The following KCTD19 variants were observed in gnomAD, a reference collection of about 807,000 sequenced individuals.
The protein encoded by KCTD19 is BTB/POZ domain-containing protein KCTD19.
A neutral mutation model predicts 103.5 loss-of-function variants in KCTD19; 67 were observed. The observed-to-expected ratio is 0.65, with a 90% CI of 0.53 to 0.79. KCTD19 has a LOEUF of 0.79. KCTD19 is among the 30% of genes least tolerant of loss of function. The pLI is 0.00. For missense variants in KCTD19, 980 were observed against 1,136.1 expected, an observed-to-expected ratio of 0.86 and a Z score of 1.98; for synonymous variants, 439 against 452.2, an observed-to-expected ratio of 0.97 and a Z score of 0.37.
chr16:67,289,789 G>T (rs900915665), intron 15 of KCTD19, 107 bp from the exon 16 acceptor site: 2 of 743,570 alleles, frequency 2.7e-6, no homozygotes, highest in South Asian at 1.7e-5. Context: ...AAGCCCGGCT[G>T]TTGGGGACTT....
intron 2 of KCTD19, among the ~76,000 whole-genome samples, chr16:67,309,300 C>T (rs1056066721): frequency 1.3e-5 from 2 of 152,096 alleles, no homozygotes; most frequent in Non-Finnish European, 1.5e-5. Context: ...GTATCCAAAA[C>T]CACAGGAAAA....
In KCTD19 at chr16:67,303,452, A is replaced by G. The variant is rs2036859983; in HGVS notation, c.452-115T>C. On this transcript the variant is annotated intron_variant, in intron 3 of 15. Coordinates refer to ENST00000304372, the MANE Select transcript of KCTD19 (RefSeq NM_001100915.3). The surrounding 1 kb of genome is among the most constrained non-coding windows in gnomAD (Gnocchi z 4.3). ...GGATGCTAGAGAGACCCCCCAGGAT[A>G]TGGTCCTTGCCACTTGCCAGACACA... is the stretch of plus-strand genomic sequence containing the variant. 1.4e-6 allele frequency: 1 copy of G among 719,060 alleles called. No homozygotes were observed. The highest frequency in any genetic ancestry group is 2.8e-5 in the East Asian group (1 of 35,490). The allele number at this position is 719,060 out of a possible 1,614,324, so 44.5% of individuals were successfully genotyped here.
In KCTD19 at chr16:67,304,454, A is replaced by T. The variant is rs143573730; in HGVS notation, c.418T>A (p.Ser140Thr). ...WRTWKCISKP[S>T]EFPIKSPAFT... ...GCTGGGCTTTTAATTGGAAATTCTG[A>T]GGGTTTGCTAATACACTTCCATGTA... Residue 140 changes from serine (S) to threonine (T), a missense_variant, in exon 3 of 16, where the codon TCA becomes ACA. By Grantham distance (58) the Ser-to-Thr change is moderately conservative. Transcript: ENST00000304372. 9.0e-3 allele frequency: 14,529 copies of T among 1,613,938 alleles called. 135 individuals are homozygous for T. Among genetic ancestry groups the T allele is most frequent in the South Asian group, 0.026 (2,412 of 91,078 alleles).
chr16:67,304,788 C>A (rs1238786496), intron 2 of KCTD19, among the ~76,000 whole-genome samples: 1 of 151,864 alleles, frequency 6.6e-6, no homozygotes, highest in Non-Finnish European at 1.5e-5. Context: ...CTCAGCCTCT[C>A]GAGTAGCTGG....
At chr16:67,301,334 G>C (rs1444402153) in intron 5 of KCTD19, 1 of 154,582 alleles carries the variant, frequency 6.5e-6, no homozygotes, top group Non-Finnish European at 1.4e-5. Context: ...AGGGAATTTG[G>C]GGGTGGATGA....
At position 67,293,963 on chromosome 16, in the gene KCTD19, T is replaced by C. The variant is rs866254895; in HGVS notation, c.1799A>G (p.His600Arg). The C allele has an allele frequency of 2.5e-6, 4 of 1,614,134 alleles. No homozygotes were observed. Among genetic ancestry groups the C allele is most frequent in the African/African-American group, 1.3e-5 (1 of 75,016 alleles). Residue 600 changes from histidine to arginine, a missense_variant, in exon 12 of 16, where the codon CAC becomes CGC. By Grantham distance (29) the His-to-Arg change is conservative. Transcript: ENST00000304372. The surrounding 1 kb of genome is among the most constrained non-coding windows in gnomAD (Gnocchi z 4.0). ...HCRGLCTNPG[H>R]WGSHPESPPK... Reference sequence around the variant, plus strand: ...GGGGCTCTCAGGGTGGCTCCCCCAGTGTCCAGGATTGGTACACAAGCCACG... The same window carrying C: ...GGGGCTCTCAGGGTGGCTCCCCCAGCGTCCAGGATTGGTACACAAGCCACG...
intron 7 of KCTD19, among the ~76,000 whole-genome samples, chr16:67,296,977 ATGT>A (rs1454044398): frequency 1.3e-5 from 2 of 152,198 alleles, no homozygotes; most frequent in African/African-American, 4.8e-5. Flanking sequence ...TACTCAATAA[ATGT>A]TGGATGCTGC....
intron 4 of KCTD19, chr16:67,302,282 G>C (rs575607642): frequency 9.3e-6 from 2 of 216,042 alleles, no homozygotes; most frequent in African/African-American, 4.6e-5. Flanking sequence ...GAGAGGAGGG[G>C]CCCGGCCGAG....
chr16:67,305,869 A>T lies in KCTD19; in HGVS notation c.301-1298T>A, dbSNP rs534395701. On this transcript the variant is annotated intron_variant, in intron 2 of 15. Transcript: ENST00000304372. The stretch of plus-strand genomic sequence containing the variant: ...CTCAAAAATCCTGAGCATTGAGACT[A>T]GTCCTCTGGTGGCCAAGCTATAAAC... Among the ~76,000 whole-genome samples the T allele has an allele frequency of 4.6e-5, 7 of 152,314 alleles. No homozygotes were observed. The South Asian group carries it at 6.2e-4, about 14-fold the overall frequency.
Position 67,302,150 on chromosome 16 carries a change from G to A in KCTD19, c.644-228C>T, listed in dbSNP as rs1025411562. The A allele has an allele frequency of 1.2e-5, 5 of 426,936 alleles. No homozygotes were observed. In the Admixed American group the frequency reaches 1.5e-4, roughly 13 times the overall value. The allele number at this position is 426,936 out of a possible 1,614,324, so 26.4% of individuals were successfully genotyped here. A position where few individuals can be genotyped will look rare whatever the true frequency, so the allele number is the denominator to read the frequency against. On this transcript the variant is annotated intron_variant, in intron 4 of 15. Coordinates refer to ENST00000304372, the MANE Select transcript of KCTD19 (RefSeq NM_001100915.3). ...TCTGAGGCCGTGGGTGTGGCCTCCC[G>A]TGGCTTGGCCTGGGGCTCCCAAGCC... is the stretch of plus-strand genomic sequence containing the variant.
At chr16:67,316,571 A>C (rs2037015506) in intron 2 of KCTD19, among the ~76,000 whole-genome samples, 2 of 151,326 alleles carry the variant, frequency 1.3e-5, no homozygotes, top group African/African-American at 4.9e-5. Flanking sequence ...CAAAAACTAC[A>C]AAAAAAAAGA....
chr16:67,291,171 C>A (rs1178989190), intron 14 of KCTD19, 138 bp downstream of exon 14: 1 of 1,215,618 alleles, frequency 8.2e-7, no homozygotes, highest in East Asian at 2.5e-5. Flanking sequence ...CTCCCTGTCC[C>A]ACCACTCTTC....
intron 1 of KCTD19, among the ~76,000 whole-genome samples, chr16:67,322,392 G>A (rs549705163): frequency 2.0e-5 from 3 of 150,324 alleles, no homozygotes; most frequent in South Asian, 2.1e-4. Flanking sequence ...TCCACCTCCC[G>A]GGTTCACTCC....
At position 67,296,274 on chromosome 16, in the gene KCTD19, G is replaced by A. The variant is rs2142504280; in HGVS notation, c.1148-15C>T. 1 of 1,519,044 alleles carries A rather than the reference G, an allele frequency of 6.6e-7. No individual in the cohort carries two copies. The highest frequency in any genetic ancestry group is 1.1e-5 in the South Asian group (1 of 89,244). 94.1% of individuals were successfully genotyped at this position (1,519,044 alleles called of 1,614,324 possible). On this transcript the variant is annotated splice_polypyrimidine_tract_variant and intron_variant, in intron 7 of 15. Transcript: ENST00000304372. ...CGTCCACTCATCTATGGGAATCCAG[G>A]AGATAGAACACATCATCATATGGCC...
intron 1 of KCTD19, among the ~76,000 whole-genome samples, chr16:67,325,199 C>CTTTTTTTTTTTT (rs918808425): frequency 1.5e-5 from 2 of 132,332 alleles, no homozygotes; most frequent in African/African-American, 3.4e-5. Flanking sequence ...TTCTTTTTTT[C>CTTTTTTTTTTTT]TTTTTTTCTT....
intron 15 of KCTD19, among the ~76,000 whole-genome samples, chr16:67,290,131 A>G (rs2036661650): frequency 6.7e-6 from 1 of 149,514 alleles, no homozygotes; most frequent in African/African-American, 2.5e-5. Flanking sequence ...AAAGAAAAAA[A>G]CCCTTGATCA....
At chr16:67,302,045 T>G in intron 4 of KCTD19, 123 bp from the exon 5 acceptor site, 1 of 825,816 alleles carries the variant, frequency 1.2e-6, no homozygotes, top group Non-Finnish European at 2.0e-6. Flanking sequence ...CTGAAACAAC[T>G]TATCAACATA....
intron 2 of KCTD19, among the ~76,000 whole-genome samples, chr16:67,314,250 C>T (rs762359337): frequency 6.7e-6 from 1 of 150,340 alleles, no homozygotes; most frequent in Non-Finnish European, 1.5e-5. Context: ...CCTTCCCCCT[C>T]TCTTCCCTTC....
chr16:67,321,146 G>A (rs2037068958), intron 1 of KCTD19, among the ~76,000 whole-genome samples: 2 of 152,108 alleles, frequency 1.3e-5, no homozygotes, highest in African/African-American at 4.8e-5. Context: ...AGCTATGATT[G>A]TGCCACTGTA....
Sources: gnomAD v4.1 joint callset for allele counts (sites outside exome capture counted in the v4.1 genomes callset) on GRCh38, gnomAD v4.1.1 for gene constraint, Gnocchi (gnomAD v3.1) non-coding constraint, MANE v1.5 for transcripts, NCBI Gene and HGNC (gene_info 2026-07-23, HGNC 2026-07-21) for gene names.